The following PDGFC variants were observed in gnomAD, a reference collection of about 807,000 sequenced individuals.
PDGFC encodes platelet-derived growth factor C.
PDGFC carries 12 observed loss-of-function variants against 35.5 expected under a neutral mutation model. The observed-to-expected ratio is 0.34, with a 90% confidence interval of 0.22 to 0.55. The LOEUF is 0.55. Among genes scored for constraint, PDGFC ranks in the 20% least tolerant of loss-of-function variants. The pLI is 0.91. For missense variants in PDGFC, 322 were observed against 412.4 expected, an observed-to-expected ratio of 0.78 and a Z score of 1.90; for synonymous variants, 159 against 148.8, an observed-to-expected ratio of 1.07 and a Z score of -0.50.
intron 1 of PDGFC, among the ~76,000 whole-genome samples, chr4:156,943,357 T>C (rs550616573): frequency 6.6e-6 from 1 of 152,256 alleles, no homozygotes; most frequent in African/African-American, 2.4e-5. Context: ...TATTTTCATA[T>C]GTCCTTGCTA....
In PDGFC at chr4:156,767,772, C is replaced by T; in HGVS notation, c.921+1G>A. The T allele has an allele frequency of 6.3e-7, 1 of 1,593,614 alleles. No individual in the cohort carries two copies. The highest frequency in any genetic ancestry group is 8.6e-7 in the Non-Finnish European group (1 of 1,161,626). ...AACCAAAAAGAAAATTGTATACCTA[C>T]CTCGTGGTATTTTTTAGTAACTTTG... On this transcript the variant is annotated splice_donor_variant, in intron 5 of 5. Transcript: ENST00000502773. LOFTEE classifies it high-confidence loss of function.
chr4:156,957,867 G>A (rs1372653415), intron 1 of PDGFC, among the ~76,000 whole-genome samples: 1 of 151,888 alleles, frequency 6.6e-6, no homozygotes, highest in Non-Finnish European at 1.5e-5. Context: ...ATTTTAGACT[G>A]CATGAATTTC....
chr4:156,822,162 A>G (rs934708793), intron 2 of PDGFC, among the ~76,000 whole-genome samples: 1 of 152,030 alleles, frequency 6.6e-6, no homozygotes, highest in African/African-American at 2.4e-5. Context: ...GATCGAGACC[A>G]TCCTGGCTAA....
intron 1 of PDGFC, among the ~76,000 whole-genome samples, chr4:156,938,800 T>A (rs1731740809): frequency 6.6e-6 from 1 of 151,574 alleles, no homozygotes; most frequent in South Asian, 2.1e-4. Flanking sequence ...TTAATGAACA[T>A]ACTAATATAA....
intron 1 of PDGFC, among the ~76,000 whole-genome samples, chr4:156,906,658 G>A (rs1194827004): frequency 6.6e-6 from 1 of 152,132 alleles, no homozygotes; most frequent in Non-Finnish European, 1.5e-5. Flanking sequence ...TATCTTTGAA[G>A]TTTTGGGATA....
chr4:156,941,759 T>C (rs890438891), intron 1 of PDGFC, among the ~76,000 whole-genome samples: 2 of 152,088 alleles, frequency 1.3e-5, no homozygotes, highest in African/African-American at 4.8e-5. Context: ...ACTTACATGA[T>C]AAAATAAGAT....
Position 156,853,489 on chromosome 4 carries a change from A to G in PDGFC, c.119-3073T>C, listed in dbSNP as rs117533515. On this transcript the variant is annotated intron_variant, in intron 1 of 5. Coordinates refer to ENST00000502773, the MANE Select transcript of PDGFC (RefSeq NM_016205.3). Reference sequence around the variant, plus strand: ...TTTTCCTCAGCAGTAAGCACCCTATACAGAACATGTTTCCTCTTAATAGAT... The same window carrying G: ...TTTTCCTCAGCAGTAAGCACCCTATGCAGAACATGTTTCCTCTTAATAGAT... Among the ~76,000 whole-genome samples, 528 of 152,276 alleles carry G rather than the reference A, an allele frequency of 3.5e-3. 18 individuals are homozygous for G. The East Asian group carries it at 0.076, about 22-fold the overall frequency.
rs1020444458 is a variant in PDGFC at position 156,802,581 on chromosome 4, CACAT to C, written c.495+8252_495+8255del. Reference sequence around the variant, plus strand: ...ACACACACACACACACACACACACACACATATACATTTTACATACACAAAACATA... The same window carrying C: ...ACACACACACACACACACACACACACATACATTTTACATACACAAAACATA... On this transcript the variant is annotated intron_variant, in intron 3 of 5. Transcript: ENST00000502773. Among the ~76,000 whole-genome samples, 19 of 149,420 alleles carry C rather than the reference CACAT, an allele frequency of 1.3e-4. 1 individual carries two copies. Among genetic ancestry groups the C allele is most frequent in the South Asian group, 6.4e-4 (3 of 4,714 alleles).
intron 2 of PDGFC, among the ~76,000 whole-genome samples, chr4:156,827,829 G>A (rs1010300810): frequency 2.6e-5 from 4 of 152,140 alleles, no homozygotes; most frequent in Admixed American, 1.3e-4. Flanking sequence ...TTTTCTACAA[G>A]TAATATCCAA....
rs962246578 is a variant in PDGFC at position 156,952,195 on chromosome 4, T to A, written c.118+18591A>T. 1.1e-4 allele frequency among the ~76,000 whole-genome samples: 16 copies of A among 151,910 alleles called. 1 individual carries two copies. In the Middle Eastern group the frequency reaches 0.01, roughly 97 times the overall value. On this transcript the variant is annotated intron_variant, in intron 1 of 5. Coordinates refer to ENST00000502773, the MANE Select transcript of PDGFC (RefSeq NM_016205.3). ...TGCTACATACCTGATTCTACCAATA[T>A]CCTCTTTGTGCTTAAAGAAGTCATG...
chr4:156,870,984 A>G (rs1357627238), intron 1 of PDGFC, among the ~76,000 whole-genome samples: 1 of 152,194 alleles, frequency 6.6e-6, no homozygotes, highest in Non-Finnish European at 1.5e-5. Flanking sequence ...CAAAACACTA[A>G]AAGTTAATGC....
chr4:156,959,551 T>C (rs1455841542), intron 1 of PDGFC, among the ~76,000 whole-genome samples: 1 of 152,072 alleles, frequency 6.6e-6, no homozygotes, highest in Non-Finnish European at 1.5e-5. Flanking sequence ...AATTCACCAC[T>C]ACCGGGGAAA....
chr4:156,835,817 A>T (rs1729050458), intron 2 of PDGFC: 1 of 152,170 alleles, frequency 6.6e-6, no homozygotes, highest in South Asian at 2.1e-4. Flanking sequence ...CTACCAAAAA[A>T]TCTAAGCAAT....
At chr4:156,779,135 G>A in intron 3 of PDGFC, 1 of 456,152 alleles carries the variant, frequency 2.2e-6, no homozygotes, top group South Asian at 1.5e-5. Context: ...ACAAATGCCT[G>A]CCAGGAACAA....
At chr4:156,774,089 C>T (rs1258285657) in intron 3 of PDGFC, among the ~76,000 whole-genome samples, 1 of 152,084 alleles carries the variant, frequency 6.6e-6, no homozygotes, top group Admixed American at 6.6e-5. Flanking sequence ...TATTACTGAT[C>T]CTATGATGAA....
At chr4:156,922,960 A>C (rs549596798) in intron 1 of PDGFC, among the ~76,000 whole-genome samples, 1 of 152,226 alleles carries the variant, frequency 6.6e-6, no homozygotes, top group Non-Finnish European at 1.5e-5. Context: ...AAATTACTTA[A>C]TAACTTCCAA....
chr4:156,903,116 T>A (rs1459906275), intron 1 of PDGFC, among the ~76,000 whole-genome samples: 4 of 139,880 alleles, frequency 2.9e-5, no homozygotes, highest in Non-Finnish European at 6.5e-5. Flanking sequence ...TGTGTGTGTG[T>A]GTGTGTGTGT....
chr4:156,792,581 C>T (rs1382190000), intron 3 of PDGFC, among the ~76,000 whole-genome samples: 2 of 152,168 alleles, frequency 1.3e-5, no homozygotes, highest in Non-Finnish European at 2.9e-5. Flanking sequence ...ACCAAAAATA[C>T]ACTATCTTCA....
chr4:156,894,164 T>G (rs1312864222), intron 1 of PDGFC, among the ~76,000 whole-genome samples: 1 of 152,206 alleles, frequency 6.6e-6, no homozygotes. Context: ...TAGCAACAAT[T>G]TAAGTGTATT....
Sources: gnomAD v4.1 joint callset for allele counts (sites outside exome capture counted in the v4.1 genomes callset) on GRCh38, gnomAD v4.1.1 for gene constraint, MANE v1.5 for transcripts, NCBI Gene and HGNC (gene_info 2026-07-23, HGNC 2026-07-21) for gene names.